ASMTL: variants seen among roughly 807,000 people sequenced by gnomAD.
ASMTL encodes the protein acetylserotonin O-methyltransferase like, also known as probable bifunctional dTTP/UTP pyrophosphatase/methyltransferase protein.
In ASMTL, 57 loss-of-function variants were observed where a neutral mutation model predicts 60.3. The observed-to-expected ratio is 0.95, with a 90% CI of 0.76 to 1.18. The LOEUF is 1.18. ASMTL is among the 50% of genes most tolerant of loss of function. The probability of loss-of-function intolerance (pLI) is 0.00; values close to 1 mark genes in which losing one functional copy is unlikely to be tolerated. For missense variants in ASMTL, 981 were observed against 852.6 expected, an observed-to-expected ratio of 1.15 and a Z score of -1.88; for synonymous variants, 419 against 373.0, an observed-to-expected ratio of 1.12 and a Z score of -1.42.
Position 1,428,067 on chromosome X carries a change from G to T in ASMTL, c.564C>A (p.Ser188=). The change falls in exon 7 of 13, where the codon TCC becomes TCA. Residue 188 remains serine (S), a synonymous_variant. Coordinates refer to ENST00000381317, the MANE Select transcript of ASMTL (RefSeq NM_004192.4). ...IQALGGMLVE[S]VHGDFLNVVG... ...CCACGTTCAGAAAGTCCCCGTGTACGGACTCCACCAGCATGCCGCCCAGGG... is the reference window on the plus strand; with the variant it reads ...CCACGTTCAGAAAGTCCCCGTGTACTGACTCCACCAGCATGCCGCCCAGGG... 2 of 1,613,256 alleles carry T rather than the reference G, an allele frequency of 1.2e-6. No homozygotes were observed. Among genetic ancestry groups the T allele is most frequent in the South Asian group, 2.2e-5 (2 of 91,058 alleles).
At chrX:1,443,779 C>T (rs1407397090) in intron 1 of ASMTL, among the ~76,000 whole-genome samples, 10 of 150,988 alleles carry the variant, frequency 6.6e-5, no homozygotes, top group African/African-American at 2.2e-4. Flanking sequence ...TCTTGGCCAT[C>T]GTGGACACAC....
At chrX:1,421,273 T>TA (rs2090478542) in intron 9 of ASMTL, among the ~76,000 whole-genome samples, 1 of 152,026 alleles carries the variant, frequency 6.6e-6, no homozygotes, top group African/African-American at 2.4e-5. Context: ...GCCTAACTGT[T>TA]AATTTTTTGT....
rs767918440 is a variant in ASMTL, at chrX:1,437,717, G to A, written c.273+1380C>T. Among the ~76,000 whole-genome samples the A allele has an allele frequency of 2.1e-3, 322 of 152,004 alleles. 6 individuals are homozygous for A. Among genetic ancestry groups the A allele is most frequent in the Middle Eastern group, 0.02 (6 of 294 alleles). ...TCGAGACCATCCTGGCCAACATGGT[G>A]AAACCCCGTCTCTACTAAAAATACA... On this transcript the variant is annotated intron_variant, in intron 3 of 12. Transcript: ENST00000381317.
chrX:1,439,253 G>C, intron 2 of ASMTL, 109 bp from the exon 3 acceptor site: 1 of 1,124,408 alleles, frequency 8.9e-7, no homozygotes. Context: ...AAGCCAGGCC[G>C]ACTTTGGAAG....
At chrX:1,435,883 G>A (rs1403705612) in intron 3 of ASMTL, 125 bp from the exon 4 acceptor site, 20 of 828,728 alleles carry the variant, frequency 2.4e-5, no homozygotes, top group African/African-American at 1.4e-4. Flanking sequence ...CCTGAGAGTC[G>A]CCATTTCAAA....
chrX:1,427,423 A>C (rs2090640626), intron 7 of ASMTL, among the ~76,000 whole-genome samples: 1 of 150,504 alleles, frequency 6.6e-6, no homozygotes, highest in Admixed American at 6.6e-5. Context: ...AGAAGGGTGG[A>C]CTCCAAGTCC....
intron 6 of ASMTL, among the ~76,000 whole-genome samples, chrX:1,430,248 G>C (rs1454964037): frequency 6.6e-6 from 1 of 152,044 alleles, no homozygotes; most frequent in Non-Finnish European, 1.5e-5. Flanking sequence ...CTGACCTCAG[G>C]TGATCCGCCT....
At chrX:1,442,797 GT>G (rs1225491616) in intron 1 of ASMTL, among the ~76,000 whole-genome samples, 1 of 152,108 alleles carries the variant, frequency 6.6e-6, no homozygotes, top group Non-Finnish European at 1.5e-5. Context: ...TCAATCCCTG[GT>G]ACCCAGGAAG....
At chrX:1,446,380 C>G (rs182318567) in intron 1 of ASMTL, among the ~76,000 whole-genome samples, 2 of 152,030 alleles carry the variant, frequency 1.3e-5, no homozygotes. Context: ...AGTGGTCCCC[C>G]GGGCCCAGCT....
intron 8 of ASMTL, among the ~76,000 whole-genome samples, chrX:1,423,433 C>T (rs1453594446): frequency 6.6e-6 from 1 of 152,104 alleles, no homozygotes; most frequent in Admixed American, 6.5e-5. Context: ...CAGGTGTCAT[C>T]TGTTGTCCTG....
At chrX:1,438,100 C>T (rs1236985093) in intron 3 of ASMTL, among the ~76,000 whole-genome samples, 4 of 151,518 alleles carry the variant, frequency 2.6e-5, no homozygotes, top group African/African-American at 7.3e-5. Flanking sequence ...ACCAGCCTGG[C>T]CAACATGGTG....
chrX:1,406,003 T>G (rs1320710640), intron 12 of ASMTL, among the ~76,000 whole-genome samples: 8 of 138,618 alleles, frequency 5.8e-5, no homozygotes, highest in African/African-American at 1.9e-4. Flanking sequence ...TAGATGGATG[T>G]ATGGATGTGA....
rs1176900816 is a variant in ASMTL at position 1,411,853 on chromosome X, C to CCA, written c.1645+878_1645+879insTG. 8.7e-5 allele frequency among the ~76,000 whole-genome samples: 11 copies of CCA among 126,168 alleles called. No homozygotes were observed. In the South Asian group the frequency reaches 1.5e-3, roughly 17 times the overall value. 82.8% of individuals were successfully genotyped at this position (126,168 alleles called of 152,430 possible). ...TTTGAGATGGAGTCTCGCTCTGTTA[C>CCA]CCAGGCTGGAGTGCGGTGGCGCAGT... On this transcript the variant is annotated intron_variant, in intron 12 of 12. Transcript: ENST00000381317.
Position 1,425,662 on chromosome X carries a change from T to C in ASMTL, c.923A>G (p.Lys308Arg). Residue 308 changes from lysine (K) to arginine (R), a missense_variant, in exon 8 of 13, where the codon AAG (lysine) becomes AGG (arginine). Transcript: ENST00000381317. ...TTCATCTTTTAACAAATCGAACACCTTCAGTTTGCAAGCGGTGAGCAGGCC... is the reference window on the plus strand; with the variant it reads ...TTCATCTTTTAACAAATCGAACACCCTCAGTTTGCAAGCGGTGAGCAGGCC... Reference protein sequence around the residue: ...SKGLLTACKLKVFDLLKDEAP... With the variant: ...SKGLLTACKLRVFDLLKDEAP... 1 of 1,613,650 alleles carries C rather than the reference T, an allele frequency of 6.2e-7. No individual in the cohort carries two copies. Among genetic ancestry groups the C allele is most frequent in the South Asian group, 1.1e-5 (1 of 91,062 alleles).
chrX:1,413,491 CT>C (rs1262007374), intron 11 of ASMTL, among the ~76,000 whole-genome samples: 1 of 151,570 alleles, frequency 6.6e-6, no homozygotes, highest in Non-Finnish European at 1.5e-5. Flanking sequence ...TGGTGATCCC[CT>C]GATTCAGGCG....
chrX:1,431,686 T>C (rs1472212802), intron 6 of ASMTL, among the ~76,000 whole-genome samples: 2 of 147,266 alleles, frequency 1.4e-5, no homozygotes, highest in Non-Finnish European at 3.0e-5. Flanking sequence ...ATAGAATATA[T>C]AATGTGGAAT....
chrX:1,418,191 G>A, intron 10 of ASMTL, 75 bp from the exon 11 acceptor site: 3 of 1,484,818 alleles, frequency 2.0e-6, no homozygotes, highest in Non-Finnish European at 2.7e-6. Flanking sequence ...GCTCAACTGG[G>A]GCAGAAGTAA....
rs780382071 is a variant in ASMTL, at chrX:1,432,279, C to T, written c.499G>A (p.Gly167Arg). 4.3e-6 allele frequency: 7 copies of T among 1,612,022 alleles called. No homozygotes were observed. In the East Asian group the frequency reaches 6.7e-5, roughly 15 times the overall value. Reference sequence around the variant, plus strand: ...GCCCCCGAGACTCACATGGGCTCCCCGCTGTGGACGTATTCCCAGAGCAGC... The same window carrying T: ...GCCCCCGAGACTCACATGGGCTCCCTGCTGTGGACGTATTCCCAGAGCAGC... ...EELLWEYVHSGEPMDKAGGYG... is the reference protein window; with the variant it reads ...EELLWEYVHSREPMDKAGGYG... Residue 167 changes from glycine (G) to arginine (R), a missense_variant, in exon 6 of 13, where the codon GGG becomes AGG. Transcript: ENST00000381317.
intron 3 of ASMTL, among the ~76,000 whole-genome samples, chrX:1,438,749 T>G (rs768797871): frequency 6.6e-6 from 1 of 152,214 alleles, no homozygotes; most frequent in Non-Finnish European, 1.5e-5. Flanking sequence ...TGATATCATA[T>G]AGTATCACTT....
Sources: gnomAD v4.1 joint callset for allele counts (sites outside exome capture counted in the v4.1 genomes callset) on GRCh38, gnomAD v4.1.1 for gene constraint, MANE v1.5 for transcripts, NCBI Gene and HGNC (gene_info 2026-07-23, HGNC 2026-07-21) for gene names.